Variants in NRXN3 observed in about 807,000 individuals in gnomAD.
The protein encoded by NRXN3 is neurexin III.
A neutral mutation model predicts 137.6 loss-of-function variants in NRXN3; 32 were observed. The observed-to-expected ratio is 0.23, with a 90% CI of 0.18 to 0.31. NRXN3 has a LOEUF of 0.31. Among genes scored for constraint, NRXN3 ranks in the 10% least tolerant of loss-of-function variants. The pLI is 1.00. For synonymous variants in NRXN3, 798 were observed against 784.5 expected (o/e 1.02, Z -0.29); for missense variants, 1,574 against 2,062.5 (o/e 0.76, Z 4.59).
At chr14:79,679,715 C>T (rs1161280836) in intron 17 of NRXN3, among the ~76,000 whole-genome samples, 1 of 152,122 alleles carries the variant, frequency 6.6e-6, no homozygotes, top group Non-Finnish European at 1.5e-5. Context: ...ACTTTAAGGA[C>T]TAATATTCAA....
At chr14:78,673,609 G>A (rs1181146621) in intron 6 of NRXN3, among the ~76,000 whole-genome samples, 1 of 152,188 alleles carries the variant, frequency 6.6e-6, no homozygotes, top group Non-Finnish European at 1.5e-5. Context: ...TATTTCTCAT[G>A]GTTCTGGAGG....
At position 79,604,200 on chromosome 14, in the gene NRXN3, C is replaced by T. The variant is rs574132378; in HGVS notation, c.3445-59578C>T. ...GCCACCGCGCCCTGCCAGAACAATCCTATTTTCTAATTGGGGTTTTTCTTT... is the reference window on the plus strand; with the variant it reads ...GCCACCGCGCCCTGCCAGAACAATCTTATTTTCTAATTGGGGTTTTTCTTT... On this transcript the variant is annotated intron_variant, in intron 16 of 20. Transcript: ENST00000335750. Among the ~76,000 whole-genome samples the T allele has an allele frequency of 5.9e-4, 90 of 151,598 alleles. No homozygotes were observed. The Middle Eastern group carries it at 0.053, about 90-fold the overall frequency.
chr14:78,968,410 C>A, intron 14 of NRXN3, 64 bp downstream of exon 14: 1 of 1,482,454 alleles, frequency 6.7e-7, no homozygotes, highest in South Asian at 1.2e-5. Context: ...TCTTTGCTGC[C>A]TCTGCCACTG....
intron 20 of NRXN3, chr14:79,860,959 C>A: frequency 1.3e-6 from 1 of 789,316 alleles, no homozygotes; most frequent in Non-Finnish European, 1.8e-6. Flanking sequence ...ATTTCTGAGG[C>A]ATAATCTGTG....
chr14:79,376,734 G>A (rs2094313825), intron 15 of NRXN3, among the ~76,000 whole-genome samples: 1 of 152,126 alleles, frequency 6.6e-6, no homozygotes, highest in Non-Finnish European at 1.5e-5. Flanking sequence ...TAAAGCCTGG[G>A]AGCTCTCCAA....
intron 2 of NRXN3, among the ~76,000 whole-genome samples, chr14:78,278,208 C>A (rs1357655389): frequency 6.6e-6 from 1 of 152,162 alleles, no homozygotes. Context: ...CTTTTTCTCT[C>A]TGCTGGGAAA....
chr14:79,362,878 T>G (rs1266305495), intron 15 of NRXN3, among the ~76,000 whole-genome samples: 3 of 152,234 alleles, frequency 2.0e-5, no homozygotes, highest in Non-Finnish European at 2.9e-5. Context: ...AGAATAACAT[T>G]TCCATTTAGA....
intron 16 of NRXN3, among the ~76,000 whole-genome samples, chr14:79,623,764 G>A (rs1168863354): frequency 6.6e-6 from 1 of 151,054 alleles, no homozygotes; most frequent in African/African-American, 2.4e-5. Flanking sequence ...CTCAAAGAGG[G>A]AAACTCATAA....
chr14:79,188,431 C>G (rs2153165635), intron 15 of NRXN3, among the ~76,000 whole-genome samples: 1 of 151,660 alleles, frequency 6.6e-6, no homozygotes, highest in East Asian at 1.9e-4. Flanking sequence ...AAGATGAAAT[C>G]TCTAATAGGT....
At chr14:78,906,504 C>G (rs2099217180) in intron 10 of NRXN3, among the ~76,000 whole-genome samples, 1 of 152,060 alleles carries the variant, frequency 6.6e-6, no homozygotes, top group Non-Finnish European at 1.5e-5. Flanking sequence ...TTCTGAACAC[C>G]CTTAACCATT....
chr14:79,414,206 C>A (rs1168277207), intron 15 of NRXN3, among the ~76,000 whole-genome samples: 2 of 152,040 alleles, frequency 1.3e-5, no homozygotes, highest in African/African-American at 4.8e-5. Context: ...GTAAGAAATG[C>A]AGAATAGGAC....
At chr14:78,400,712 A>G (rs1231760903) in intron 4 of NRXN3, among the ~76,000 whole-genome samples, 1 of 152,168 alleles carries the variant, frequency 6.6e-6, no homozygotes, top group Admixed American at 6.5e-5. Context: ...CTGTCTTCAA[A>G]GTGGAAATAC....
At chr14:78,570,245 C>T (rs1444420915) in intron 4 of NRXN3, among the ~76,000 whole-genome samples, 1 of 152,122 alleles carries the variant, frequency 6.6e-6, no homozygotes, top group Non-Finnish European at 1.5e-5. Flanking sequence ...AGTTCCCTCA[C>T]CCTCTTTCTG....
intron 4 of NRXN3, among the ~76,000 whole-genome samples, chr14:78,321,579 T>C (rs2079373361): frequency 6.6e-6 from 1 of 152,086 alleles, no homozygotes; most frequent in African/African-American, 2.4e-5. Flanking sequence ...ATTTAGTTTA[T>C]TCTTGCTAAA....
chr14:78,594,071 A>G (rs1357562483), intron 4 of NRXN3, among the ~76,000 whole-genome samples: 2 of 152,162 alleles, frequency 1.3e-5, no homozygotes, highest in Non-Finnish European at 2.9e-5. Flanking sequence ...GGCATGTTCC[A>G]GGTTGTTCCA....
chr14:79,606,106 C>G (rs2098011281), intron 16 of NRXN3, among the ~76,000 whole-genome samples: 1 of 152,166 alleles, frequency 6.6e-6, no homozygotes, highest in Non-Finnish European at 1.5e-5. Context: ...AAAACCCACT[C>G]AGGAGGGAAA....
At chr14:79,755,961 C>T (rs2099018029) in intron 19 of NRXN3, among the ~76,000 whole-genome samples, 1 of 152,122 alleles carries the variant, frequency 6.6e-6, no homozygotes, top group Non-Finnish European at 1.5e-5. Flanking sequence ...AGTCCCCACT[C>T]TTATAATTGA....
chr14:79,595,712 T>TATTTCA (rs1333403767), intron 16 of NRXN3, among the ~76,000 whole-genome samples: 2 of 152,288 alleles, frequency 1.3e-5, no homozygotes, highest in Non-Finnish European at 2.9e-5. Flanking sequence ...AATTTTTATA[T>TATTTCA]ACATTAGATG....
rs1395628679 is a variant in NRXN3, at chr14:78,258,024, G to T, written c.709+14222G>T. 2.6e-5 allele frequency among the ~76,000 whole-genome samples: 4 copies of T among 152,276 alleles called. No homozygotes were observed. The East Asian group carries it at 7.7e-4, about 29-fold the overall frequency. On this transcript the variant is annotated intron_variant, in intron 2 of 20. Transcript: ENST00000335750. ...TTAATTTTAGTTTTGGAATCAGATT[G>T]CCTGTCACATACTAAACTGCAAATT...
Sources: allele counts gnomAD v4.1 joint callset (sites outside exome capture counted in the v4.1 genomes callset), GRCh38; gene constraint gnomAD v4.1.1; transcripts MANE v1.5; gene names NCBI Gene and HGNC (gene_info 2026-07-23, HGNC 2026-07-21).